The following RIMBP2 variants were observed in gnomAD, a reference collection of about 807,000 sequenced individuals.
The protein encoded by RIMBP2 is RIMS binding protein 2.
Under a neutral mutation model 118.6 loss-of-function variants are expected in RIMBP2, and 48 were observed. That is an observed-to-expected ratio of 0.40 (90% CI 0.32 to 0.51). The LOEUF (loss-of-function observed/expected upper bound fraction) is 0.51. RIMBP2 is among the 20% of genes least tolerant of loss of function. RIMBP2 has a pLI of 0.41. For synonymous variants in RIMBP2, 762 were observed against 742.9 expected, an observed-to-expected ratio of 1.03 and a Z score of -0.42; for missense variants, 1,551 against 1,768.3, an observed-to-expected ratio of 0.88 and a Z score of 2.20.
intron 1 of RIMBP2, among the ~76,000 whole-genome samples, chr12:130,700,034 GGGT>G (rs753841990): frequency 3.3e-5 from 5 of 151,880 alleles, no homozygotes; most frequent in Non-Finnish European, 4.4e-5. Context: ...AAGCGTGTGT[GGGT>G]GGCTCTCAGC....
chr12:130,454,072 A>T (rs1381711027), intron 7 of RIMBP2, among the ~76,000 whole-genome samples: 2 of 151,674 alleles, frequency 1.3e-5, no homozygotes, highest in Non-Finnish European at 2.9e-5. Context: ...AAACACAAAA[A>T]ACAAAATGCT....
In RIMBP2 at chr12:130,458,778, C is replaced by CT. The variant is rs1196859563; in HGVS notation, c.154-2079dup. ...AACTAAAATAGGCCAGGCACGGTGG[C>CT]TCACGCCTGCAATCCCAGCACTTTG... On this transcript the variant is annotated intron_variant, in intron 6 of 22. Coordinates refer to ENST00000690449, the MANE Select transcript of RIMBP2 (RefSeq NM_001393629.1). Among the ~76,000 whole-genome samples the CT allele has an allele frequency of 6.6e-5, 10 of 152,320 alleles. 1 individual carries two copies. In the South Asian group the frequency reaches 2.1e-3, roughly 32 times the overall value.
At chr12:130,455,091 G>A (rs1011829294) in intron 7 of RIMBP2, among the ~76,000 whole-genome samples, 2 of 152,234 alleles carry the variant, frequency 1.3e-5, no homozygotes, top group African/African-American at 4.8e-5. Context: ...AGTCTCAGTG[G>A]GTTTCCCAGA....
chr12:130,489,733 T>A (rs2048449703), intron 4 of RIMBP2, among the ~76,000 whole-genome samples: 1 of 152,162 alleles, frequency 6.6e-6, no homozygotes, highest in South Asian at 2.1e-4. Flanking sequence ...TGTATTAATG[T>A]CCCTCCATTT....
chr12:130,572,715 C>T (rs989965872), intron 2 of RIMBP2, among the ~76,000 whole-genome samples: 1 of 151,868 alleles, frequency 6.6e-6, no homozygotes, highest in African/African-American at 2.4e-5. Context: ...AGAGGCTGTG[C>T]AGGGACTCAC....
At chr12:130,651,256 C>G (rs374314582) in intron 1 of RIMBP2, 2 of 152,186 alleles carry the variant, frequency 1.3e-5, no homozygotes, top group South Asian at 2.1e-4. Context: ...GATCAGCGGG[C>G]CCTGCTGGCG....
intron 17 of RIMBP2, among the ~76,000 whole-genome samples, chr12:130,421,686 T>A (rs2076414604): frequency 7.9e-6 from 1 of 126,980 alleles, no homozygotes. Context: ...TCTCCCTGCA[T>A]TTATATGTGT....
intron 4 of RIMBP2, among the ~76,000 whole-genome samples, chr12:130,490,122 TCAAAAAA>T (rs2048499820): frequency 1.2e-5 from 1 of 83,122 alleles, no homozygotes. Flanking sequence ...AGACTCTGTC[TCAAAAAA>T]AAAAAAAAAA....
chr12:130,478,831 GC>G, intron 5 of RIMBP2, 80 bp downstream of exon 5: 1 of 1,011,104 alleles, frequency 9.9e-7, no homozygotes, highest in Non-Finnish European at 1.5e-6. Flanking sequence ...CCGCAGGTCG[GC>G]CGCTCCACCA....
At chr12:130,540,184 G>C (rs550073788) in intron 2 of RIMBP2, among the ~76,000 whole-genome samples, 5 of 152,342 alleles carry the variant, frequency 3.3e-5, no homozygotes, top group East Asian at 1.9e-4. Context: ...AGGGCTGAGA[G>C]CAAGAGAGTA....
intron 9 of RIMBP2, among the ~76,000 whole-genome samples, chr12:130,449,895 C>T (rs2078852853): frequency 6.6e-6 from 1 of 152,050 alleles, no homozygotes; most frequent in African/African-American, 2.4e-5. Context: ...TCCTTGGAGC[C>T]CTCGGAGGGC....
intron 4 of RIMBP2, among the ~76,000 whole-genome samples, chr12:130,495,612 T>A (rs1413478033): frequency 6.6e-6 from 1 of 152,226 alleles, no homozygotes; most frequent in African/African-American, 2.4e-5. Flanking sequence ...AAAAATAACC[T>A]TGGACTTGCT....
At chr12:130,677,129 T>G (rs893348407) in intron 1 of RIMBP2, among the ~76,000 whole-genome samples, 2 of 152,084 alleles carry the variant, frequency 1.3e-5, no homozygotes, top group African/African-American at 2.4e-5. Context: ...TTGTTACGAC[T>G]AGGGTGGGGG....
At position 130,511,255 on chromosome 12, in the gene RIMBP2, G is replaced by A. The variant is rs1354428320; in HGVS notation, c.-126-4485C>T. On this transcript the variant is annotated intron_variant, in intron 3 of 22. Coordinates refer to ENST00000690449, the MANE Select transcript of RIMBP2 (RefSeq NM_001393629.1). The surrounding 1 kb of genome is among the most constrained non-coding windows in gnomAD (Gnocchi z 4.3). ...GCAAGAGGAGAGACTGTCCCCCAGAGCCTCAGGAAAGCACACCGGCCTGCT... is the reference window on the plus strand; with the variant it reads ...GCAAGAGGAGAGACTGTCCCCCAGAACCTCAGGAAAGCACACCGGCCTGCT... 6.6e-6 allele frequency among the ~76,000 whole-genome samples: 1 copy of A among 152,158 alleles called. No homozygotes were observed. Among genetic ancestry groups the A allele is most frequent in the Non-Finnish European group, 1.5e-5 (1 of 68,034 alleles).
At chr12:130,645,244 A>G (rs902216600) in intron 1 of RIMBP2, among the ~76,000 whole-genome samples, 11 of 152,090 alleles carry the variant, frequency 7.2e-5, no homozygotes, top group African/African-American at 2.7e-4. Context: ...CGGTGTGTCC[A>G]CCACGCCTGG....
At position 130,447,848 on chromosome 12, in the gene RIMBP2, C is replaced by T. The variant is rs2078668216; in HGVS notation, c.581+2352G>A. Among the ~76,000 whole-genome samples, 2 of 152,120 alleles carry T rather than the reference C, an allele frequency of 1.3e-5. No individual in the cohort carries two copies. The highest frequency in any genetic ancestry group is 2.1e-4 in the South Asian group (1 of 4,828). On this transcript the variant is annotated intron_variant, in intron 9 of 22. Transcript: ENST00000690449. This position sits in a 1 kb window ranked among gnomAD's most constrained non-coding sequence, Gnocchi z 4.4. ...ACAGAGGCAGCCCCTGCATGGAGGG[C>T]GGGGAGAGGCCGCTCGGCACCCAGA...
intron 1 of RIMBP2, among the ~76,000 whole-genome samples, chr12:130,697,775 T>C (rs903022533): frequency 1.6e-4 from 24 of 152,042 alleles, no homozygotes; most frequent in African/African-American, 5.6e-4. Context: ...TGAGCTATGA[T>C]TGCACTGCTG....
chr12:130,531,262 T>A (rs1567994), intron 2 of RIMBP2, among the ~76,000 whole-genome samples: 1 of 152,236 alleles, frequency 6.6e-6, no homozygotes, highest in East Asian at 1.9e-4. Context: ...AAAGTACACA[T>A]ACCTGTATAA....
rs1193639937 is a variant in RIMBP2, at chr12:130,576,982, A to C, written c.-217+51340T>G. ...GGCCCAGACCTTCACAGAGGAGACA[A>C]AATGTCCCGGCTGCAGCCTGAGGTT... On this transcript the variant is annotated intron_variant, in intron 2 of 22. Coordinates refer to ENST00000690449, the MANE Select transcript of RIMBP2 (RefSeq NM_001393629.1). The surrounding 1 kb of genome is among the most constrained non-coding windows in gnomAD (Gnocchi z 4.2). Among the ~76,000 whole-genome samples, 2 of 152,196 alleles carry C rather than the reference A, an allele frequency of 1.3e-5. No homozygotes were observed. The highest frequency in any genetic ancestry group is 2.9e-5 in the Non-Finnish European group (2 of 68,032).
Sources: gnomAD v4.1 joint callset for allele counts (sites outside exome capture counted in the v4.1 genomes callset) on GRCh38, gnomAD v4.1.1 for gene constraint, Gnocchi (gnomAD v3.1) non-coding constraint, MANE v1.5 for transcripts, NCBI Gene and HGNC (gene_info 2026-07-23, HGNC 2026-07-21) for gene names.